The following CDC14A variants were observed in gnomAD, a reference collection of about 807,000 sequenced individuals.
The protein encoded by CDC14A is dual specificity protein phosphatase CDC14A.
CDC14A carries 53 observed loss-of-function variants against 74.4 expected under a neutral mutation model. The ratio of observed to expected loss-of-function variants is 0.71; its 90% CI spans 0.57 to 0.89. CDC14A has a LOEUF of 0.89. Among genes scored for constraint, CDC14A ranks in the 40% least tolerant of loss-of-function variants. The pLI, the probability that CDC14A is intolerant of heterozygous loss-of-function variation, is 0.00. For missense variants in CDC14A, 646 were observed against 713.7 expected (o/e 0.91, Z 1.08); for synonymous variants, 247 against 258.4 (o/e 0.96, Z 0.43).
At chr1:100,375,811 G>A (rs1655156595) in intron 2 of CDC14A, among the ~76,000 whole-genome samples, 1 of 152,192 alleles carries the variant, frequency 6.6e-6, no homozygotes, top group South Asian at 2.1e-4. Flanking sequence ...TATACCCAAA[G>A]AATTATAAAT....
chr1:100,424,343 A>T, intron 5 of CDC14A, 42 bp downstream of exon 5: 1 of 1,371,886 alleles, frequency 7.3e-7, no homozygotes, highest in Non-Finnish European at 1.0e-6. Flanking sequence ...TTTGCTACAG[A>T]GCTGGACACT....
intron 4 of CDC14A, among the ~76,000 whole-genome samples, chr1:100,401,589 A>T (rs904842455): frequency 3.9e-5 from 6 of 152,242 alleles, no homozygotes; most frequent in African/African-American, 1.4e-4. Context: ...TTTGAAATTA[A>T]TATTGTGGAT....
intron 15 of CDC14A, among the ~76,000 whole-genome samples, chr1:100,512,384 G>C (rs975063039): frequency 2.0e-5 from 3 of 152,146 alleles, no homozygotes; most frequent in Non-Finnish European, 2.9e-5. Flanking sequence ...GGGTCTCATT[G>C]TTAGCATATG....
intron 4 of CDC14A, among the ~76,000 whole-genome samples, chr1:100,403,221 A>G (rs1659509889): frequency 6.6e-6 from 1 of 152,238 alleles, no homozygotes; most frequent in Non-Finnish European, 1.5e-5. Flanking sequence ...CGCCATTCAC[A>G]TGTATAATTG....
chr1:100,389,180 CAAAAAAAAA>C (rs1196346245), intron 3 of CDC14A, among the ~76,000 whole-genome samples: 1 of 52,240 alleles, frequency 1.9e-5, no homozygotes, highest in Admixed American at 2.4e-4. Flanking sequence ...GACCCTGTCT[CAAAAAAAAA>C]AAAAAAAAAA....
intron 15 of CDC14A, 48 bp downstream of exon 15, chr1:100,499,310 C>T (rs1479156187): frequency 6.2e-7 from 1 of 1,614,062 alleles, no homozygotes; most frequent in African/African-American, 1.3e-5. Flanking sequence ...CTGAATGCAA[C>T]TTCTGTGCCT....
chr1:100,372,719 C>A (rs918247930), intron 2 of CDC14A, among the ~76,000 whole-genome samples: 1 of 152,190 alleles, frequency 6.6e-6, no homozygotes, highest in South Asian at 2.1e-4. Context: ...CATTCATGAG[C>A]GTTGGAATCA....
chr1:100,384,319 A>G (rs894039597), intron 3 of CDC14A, among the ~76,000 whole-genome samples: 2 of 152,216 alleles, frequency 1.3e-5, no homozygotes, highest in African/African-American at 2.4e-5. Flanking sequence ...AGAAATTTCT[A>G]TAGGTTTGAT....
At chr1:100,378,967 TA>T (rs1655714289) in intron 3 of CDC14A, among the ~76,000 whole-genome samples, 1 of 152,148 alleles carries the variant, frequency 6.6e-6, no homozygotes, top group Non-Finnish European at 1.5e-5. Flanking sequence ...AATGGCTGAG[TA>T]AACAAGAAAA....
intron 4 of CDC14A, among the ~76,000 whole-genome samples, chr1:100,414,175 A>G (rs1661219554): frequency 6.6e-6 from 1 of 152,174 alleles, no homozygotes; most frequent in Non-Finnish European, 1.5e-5. Context: ...AAGTCAAAAT[A>G]TTATCCTTGG....
intron 8 of CDC14A, among the ~76,000 whole-genome samples, chr1:100,462,228 A>G (rs1314800985): frequency 1.3e-5 from 2 of 152,194 alleles, no homozygotes; most frequent in East Asian, 3.8e-4. Context: ...ACAAATTAAA[A>G]CTATACATAT....
intron 15 of CDC14A, among the ~76,000 whole-genome samples, chr1:100,510,685 A>G (rs1205947065): frequency 6.6e-6 from 1 of 152,136 alleles, no homozygotes; most frequent in Non-Finnish European, 1.5e-5. Flanking sequence ...GATCAATTCA[A>G]CCATCTGTTG....
intron 8 of CDC14A, among the ~76,000 whole-genome samples, chr1:100,460,238 T>C (rs554354979): frequency 2.6e-5 from 4 of 152,384 alleles, no homozygotes; most frequent in African/African-American, 9.6e-5. Context: ...TTGCCATATT[T>C]GGACAATTTC....
chr1:100,421,606 C>T (rs1371545825), intron 4 of CDC14A, among the ~76,000 whole-genome samples: 13 of 152,104 alleles, frequency 8.5e-5, no homozygotes, highest in Non-Finnish European at 7.4e-5. Context: ...GTTTTAAAAT[C>T]AAATGGAATG....
Position 100,490,167 on chromosome 1 carries a change from T to C in CDC14A, c.1138-4651T>C, listed in dbSNP as rs993226828. On this transcript the variant is annotated intron_variant, in intron 11 of 15. Coordinates refer to ENST00000336454, the MANE Select transcript of CDC14A (RefSeq NM_003672.4). ...CAGGCTCTTATGACCTGGTACATCTTATCGGATCAATCCCCTAATAAATAT... is the reference window on the plus strand; with the variant it reads ...CAGGCTCTTATGACCTGGTACATCTCATCGGATCAATCCCCTAATAAATAT... Among the ~76,000 whole-genome samples the C allele has an allele frequency of 2.6e-5, 4 of 152,346 alleles. No homozygotes were observed. The South Asian group carries it at 8.3e-4, about 32-fold the overall frequency.
At chr1:100,504,959 A>G in intron 15 of CDC14A, 1 of 1,506,580 alleles carries the variant, frequency 6.6e-7, no homozygotes, top group Non-Finnish European at 8.9e-7. Context: ...CCACCCTATA[A>G]TTAATACTTT....
chr1:100,481,587 T>C (rs2101344415), intron 10 of CDC14A, among the ~76,000 whole-genome samples: 1 of 152,336 alleles, frequency 6.6e-6, no homozygotes, highest in South Asian at 2.1e-4. Context: ...GTTATTTCGT[T>C]ATTTTCTTAT....
At chr1:100,389,401 G>A (rs1437218262) in intron 3 of CDC14A, among the ~76,000 whole-genome samples, 4 of 148,514 alleles carry the variant, frequency 2.7e-5, no homozygotes, top group Non-Finnish European at 4.5e-5. Flanking sequence ...GCAGTGAGCC[G>A]AGGTTGCGCC....
intron 4 of CDC14A, among the ~76,000 whole-genome samples, chr1:100,422,604 A>G (rs1662498513): frequency 6.6e-6 from 1 of 152,210 alleles, no homozygotes; most frequent in Non-Finnish European, 1.5e-5. Flanking sequence ...AGCTGCAACT[A>G]GAGTGACAAT....
Sources: allele counts gnomAD v4.1 joint callset (sites outside exome capture counted in the v4.1 genomes callset), GRCh38; gene constraint gnomAD v4.1.1; transcripts MANE v1.5; gene names NCBI Gene and HGNC (gene_info 2026-07-23, HGNC 2026-07-21).